NOX4: variants seen among roughly 807,000 people sequenced by gnomAD.
NOX4 encodes the protein kidney oxidase-1.
A neutral mutation model predicts 87.6 loss-of-function variants in NOX4; 69 were observed. That is an observed-to-expected ratio of 0.79 (90% CI 0.65 to 0.96). NOX4 has a LOEUF of 0.96. NOX4 is among the 40% of genes least tolerant of loss of function. The probability of loss-of-function intolerance (pLI) is 0.00; values close to 1 mark genes in which losing one functional copy is unlikely to be tolerated. For missense variants in NOX4, 680 were observed against 681.5 expected (o/e 1.00, Z 0.02); for synonymous variants, 275 against 238.2 (o/e 1.15, Z -1.42).
At chr11:89,518,611 T>A in the NOX4 span, among the ~76,000 whole-genome samples, 1 of 152,048 alleles carries the variant, frequency 6.6e-6, no homozygotes, top group African/African-American at 2.4e-5. Context: ...AACTAAAACC[T>A]GAATCCACAG....
rs1945637898 is a variant in NOX4, at chr11:89,465,391, G to A, written c.154-13496C>T. 2.0e-5 allele frequency among the ~76,000 whole-genome samples: 3 copies of A among 152,086 alleles called. No individual in the cohort carries two copies. The South Asian group carries it at 6.2e-4, about 32-fold the overall frequency. ...TCTTTACCCAGTCTATCATTGATGG[G>A]CATTTGGGTTGATTCCAAGTCTTTG... On this transcript the variant is annotated intron_variant, in intron 2 of 17. Transcript: ENST00000263317.
At chr11:89,373,237 C>T (rs1591051008) in intron 12 of NOX4, among the ~76,000 whole-genome samples, 195 bp downstream of exon 12, 1 of 92,814 alleles carries the variant, frequency 1.1e-5, no homozygotes, top group East Asian at 3.4e-4. Flanking sequence ...TGCAAAAATG[C>T]ATCTTAAAAG....
At chr11:89,529,003 T>C in the NOX4 span, among the ~76,000 whole-genome samples, 1 of 152,198 alleles carries the variant, frequency 6.6e-6, no homozygotes, top group Non-Finnish European at 1.5e-5. Flanking sequence ...AGACAACTTC[T>C]GTTTTGTGAA....
At chr11:89,540,120 A>G in the NOX4 span, among the ~76,000 whole-genome samples, 1 of 152,182 alleles carries the variant, frequency 6.6e-6, no homozygotes, top group Admixed American at 6.5e-5. Flanking sequence ...TCATACATGC[A>G]ACATAAAATG....
At chr11:89,532,049 GA>G in the NOX4 span, among the ~76,000 whole-genome samples, 1 of 152,228 alleles carries the variant, frequency 6.6e-6, no homozygotes, top group Non-Finnish European at 1.5e-5. Context: ...AGGATACATG[GA>G]AATGCCTGGA....
At chr11:89,450,368 CT>C (rs1379363339) in intron 3 of NOX4, among the ~76,000 whole-genome samples, 1 of 152,144 alleles carries the variant, frequency 6.6e-6, no homozygotes, top group Non-Finnish European at 1.5e-5. Flanking sequence ...TTAACAACTC[CT>C]TTTAAAATAT....
intron 13 of NOX4, among the ~76,000 whole-genome samples, chr11:89,351,568 T>C (rs1162807689): frequency 1.3e-5 from 2 of 152,170 alleles, no homozygotes; most frequent in African/African-American, 4.8e-5. Flanking sequence ...AGACTAACTC[T>C]TGTCTATGGA....
chr11:89,373,062 GA>G (rs1939563916), intron 12 of NOX4, among the ~76,000 whole-genome samples: 1 of 151,696 alleles, frequency 6.6e-6, no homozygotes, highest in Non-Finnish European at 1.5e-5. Context: ...AGATTTGTGT[GA>G]TCTCAATATC....
upstream of NOX4, among the ~76,000 whole-genome samples, chr11:89,500,126 T>G (rs1947001470): frequency 6.6e-6 from 1 of 152,146 alleles, no homozygotes; most frequent in African/African-American, 2.4e-5. Flanking sequence ...AAGATTATTG[T>G]GTAAGATCAA....
intron 11 of NOX4, among the ~76,000 whole-genome samples, chr11:89,376,608 C>T (rs1342867003): frequency 3.9e-5 from 6 of 152,210 alleles, no homozygotes; most frequent in Non-Finnish European, 7.4e-5. Flanking sequence ...CATGGCTGGC[C>T]GCAGTGGCTC....
intron 2 of NOX4, among the ~76,000 whole-genome samples, chr11:89,486,271 T>TTAAA (rs199868196): frequency 1.6e-4 from 24 of 148,720 alleles, no homozygotes; most frequent in East Asian, 3.9e-4. Context: ...ATTTATTTAT[T>TTAAA]TAAATAAATA....
intron 4 of NOX4, among the ~76,000 whole-genome samples, chr11:89,445,095 A>G (rs1944635180): frequency 6.6e-6 from 1 of 152,250 alleles, no homozygotes; most frequent in East Asian, 1.9e-4. Flanking sequence ...CTCGCTGGAA[A>G]ATTTGTGATC....
chr11:89,424,791 A>T (rs1307480359), intron 7 of NOX4, among the ~76,000 whole-genome samples: 1 of 152,092 alleles, frequency 6.6e-6, no homozygotes, highest in East Asian at 1.9e-4. Flanking sequence ...GCTACATTTC[A>T]CTATCAGAAA....
At chr11:89,387,051 C>T (rs571352592) in intron 11 of NOX4, among the ~76,000 whole-genome samples, 1 of 152,170 alleles carries the variant, frequency 6.6e-6, no homozygotes, top group African/African-American at 2.4e-5. Context: ...CTCTAGATTC[C>T]CATGCCACCC....
chr11:89,518,611 TG>T, the NOX4 span, among the ~76,000 whole-genome samples: 1 of 152,048 alleles, frequency 6.6e-6, no homozygotes, highest in African/African-American at 2.4e-5. Context: ...AACTAAAACC[TG>T]AATCCACAGC....
At chr11:89,441,336 T>C (rs375535762) in intron 5 of NOX4, among the ~76,000 whole-genome samples, 2 of 152,214 alleles carry the variant, frequency 1.3e-5, no homozygotes, top group African/African-American at 2.4e-5. Flanking sequence ...CTAATGGTTA[T>C]AGTCAGCACC....
intron 14 of NOX4, among the ~76,000 whole-genome samples, chr11:89,341,455 C>T (rs1481956512): frequency 6.6e-6 from 1 of 152,052 alleles, no homozygotes; most frequent in Non-Finnish European, 1.5e-5. Context: ...TTTCTTTAGT[C>T]TGTTGTAAAT....
At chr11:89,556,678 A>C in the NOX4 span, among the ~76,000 whole-genome samples, 1 of 152,164 alleles carries the variant, frequency 6.6e-6, no homozygotes, top group Admixed American at 6.6e-5. Context: ...TCACTAAAAG[A>C]AATGGGAGGG....
At chr11:89,518,973 C>T in the NOX4 span, among the ~76,000 whole-genome samples, 1 of 151,932 alleles carries the variant, frequency 6.6e-6, no homozygotes, top group Admixed American at 6.6e-5. Context: ...ATTTTGTAGT[C>T]CTTACATAGG....
Sources: allele counts gnomAD v4.1 joint callset (sites outside exome capture counted in the v4.1 genomes callset), GRCh38; gene constraint gnomAD v4.1.1; transcripts MANE v1.5; gene names NCBI Gene and HGNC (gene_info 2026-07-23, HGNC 2026-07-21).